The following CFAP74 variants were observed in gnomAD, a reference collection of about 807,000 sequenced individuals.
CFAP74 encodes the protein cilia and flagella associated protein 74, also known as cilia- and flagella-associated protein 74.
A neutral mutation model predicts 188.9 loss-of-function variants in CFAP74; 124 were observed. The observed-to-expected ratio is 0.66, with a 90% confidence interval of 0.57 to 0.76. The LOEUF (loss-of-function observed/expected upper bound fraction) is 0.76. Ranked by LOEUF, CFAP74 falls within the 30% of genes least tolerant of loss-of-function variation. CFAP74 has a pLI of 0.00. For synonymous variants in CFAP74, 956 were observed against 916.7 expected (o/e 1.04, Z -0.77); for missense variants, 2,198 against 2,165.2 (o/e 1.02, Z -0.30).
At position 1,923,034 on chromosome 1, in the gene CFAP74, C is replaced by T. The variant is rs202048978; in HGVS notation, c.4634G>A (p.Arg1545Gln). The T allele has an allele frequency of 3.4e-5, 54 of 1,606,478 alleles. 1 individual carries two copies. Among genetic ancestry groups the T allele is most frequent in the South Asian group, 5.5e-5 (5 of 90,348 alleles). The change falls in exon 37 of 39, where the codon CGA becomes CAA. Residue 1545 changes from arginine (R) to glutamine (Q), a missense_variant. By Grantham distance (43) the Arg-to-Gln change is conservative. Coordinates refer to ENST00000682832, the MANE Select transcript of CFAP74 (RefSeq NM_001304360.2). This position sits in a 1 kb window ranked among gnomAD's most constrained non-coding sequence, Gnocchi z 6.3. ...DTDTPAPPAT[R>Q]ELQVGCIRTT... ...CCGGATACAGCCCACCTGCAGCTCT[C>T]GGGTGGCAGGTGGGGCTGGCGTGTC...
rs934663456 is a variant in CFAP74 at position 1,926,258 on chromosome 1, C to T, written c.3918G>A (p.Val1306=). ...LLRAGGTQVL[V]LSFSPHESIL... Reference sequence around the variant, plus strand: ...TGCTCTCGTGGGGAGAGAAGGAAAGCACCAGGACCTGGGTCCCACCTGCAC... The same window carrying T: ...TGCTCTCGTGGGGAGAGAAGGAAAGTACCAGGACCTGGGTCCCACCTGCAC... The change falls in exon 32 of 39, where the codon GTG becomes GTA. Residue 1306 remains valine, a synonymous_variant. Coordinates refer to ENST00000682832, the MANE Select transcript of CFAP74 (RefSeq NM_001304360.2). 31 of 1,530,324 alleles carry T rather than the reference C, an allele frequency of 2.0e-5. 1 individual carries two copies. Among genetic ancestry groups the T allele is most frequent in the East Asian group, 2.5e-5 (1 of 40,746 alleles). 94.8% of individuals were successfully genotyped at this position (1,530,324 alleles called of 1,614,324 possible). A position where few individuals can be genotyped will look rare whatever the true frequency, so the allele number is the denominator to read the frequency against.
At chr1:1,998,417 A>G (rs1470369176) in intron 1 of CFAP74, among the ~76,000 whole-genome samples, 2 of 139,892 alleles carry the variant, frequency 1.4e-5, no homozygotes, top group South Asian at 2.3e-4. Flanking sequence ...TTTCTTTGAA[A>G]CATGCTAGTC....
intron 16 of CFAP74, among the ~76,000 whole-genome samples, chr1:1,957,415 G>A (rs1228215844): frequency 6.6e-6 from 1 of 152,330 alleles, no homozygotes; most frequent in South Asian, 2.1e-4. Context: ...CGCAGAGGGC[G>A]GTCGGGGTCC....
In CFAP74 at chr1:1,994,651, G is replaced by A. The variant is rs78070480; in HGVS notation, c.-19-3676C>T. Reference sequence around the variant, plus strand: ...AGCTCTGTGCTTGTGAATTCCATGCGGCCTCCGCGACGTCATTTTGCTGGA... The same window carrying A: ...AGCTCTGTGCTTGTGAATTCCATGCAGCCTCCGCGACGTCATTTTGCTGGA... On this transcript the variant is annotated intron_variant, in intron 1 of 38. Coordinates refer to ENST00000682832, the MANE Select transcript of CFAP74 (RefSeq NM_001304360.2). Among the ~76,000 whole-genome samples, 707 of 152,246 alleles carry A rather than the reference G, an allele frequency of 4.6e-3. 8 individuals are homozygous for A. The highest frequency in any genetic ancestry group is 0.016 in the African/African-American group (652 of 41,534).
intron 28 of CFAP74, 89 bp downstream of exon 28, chr1:1,927,518 C>T: frequency 7.9e-7 from 1 of 1,258,494 alleles, no homozygotes; most frequent in South Asian, 1.5e-5. Context: ...TCCGGGCAAT[C>T]TGTAGGGAGG....
intron 38 of CFAP74, 82 bp from the exon 39 acceptor site, chr1:1,922,470 C>T: frequency 6.5e-7 from 1 of 1,539,230 alleles, no homozygotes; most frequent in South Asian, 1.2e-5. Context: ...CTGCCCTGCC[C>T]ACCTGACTCC....
At chr1:1,948,608 T>TTTTTGAG (rs1653951411) in intron 18 of CFAP74, among the ~76,000 whole-genome samples, 1 of 143,804 alleles carries the variant, frequency 7.0e-6, no homozygotes. Flanking sequence ...TTTTTTTTTT[T>TTTTTGAG]GGCAGGGTCT....
At chr1:1,978,485 G>C (rs1348891489) in intron 6 of CFAP74, among the ~76,000 whole-genome samples, 1 of 152,162 alleles carries the variant, frequency 6.6e-6, no homozygotes, top group Admixed American at 6.5e-5. Flanking sequence ...AGTAGATGGG[G>C]ACCCCACTCA....
At chr1:1,938,677 C>T (rs1177486479) in intron 25 of CFAP74, among the ~76,000 whole-genome samples, 178 bp downstream of exon 25, 2 of 152,228 alleles carry the variant, frequency 1.3e-5, no homozygotes, top group Admixed American at 6.5e-5. Flanking sequence ...TGCCTGGGTC[C>T]CAGGCCTCTC....
At chr1:1,955,050 ACACCGGAAGTGCG>A in intron 18 of CFAP74, 1 of 1,262,956 alleles carries the variant, frequency 7.9e-7, no homozygotes, top group African/African-American at 1.6e-5. Context: ...AGTGCGGCTC[ACACCGGAAGTGCG>A]GCTCACACCG....
chr1:1,995,630 C>T (rs1657877765), intron 1 of CFAP74, among the ~76,000 whole-genome samples: 1 of 151,976 alleles, frequency 6.6e-6, no homozygotes, highest in Non-Finnish European at 1.5e-5. Flanking sequence ...TAAGAACAGG[C>T]CGGGCTCGGT....
Position 1,985,509 on chromosome 1 carries a change from A to G in CFAP74, c.396-19T>C, listed in dbSNP as rs773152881. On this transcript the variant is annotated intron_variant, in intron 5 of 38. Coordinates refer to ENST00000682832, the MANE Select transcript of CFAP74 (RefSeq NM_001304360.2). Reference sequence around the variant, plus strand: ...AGCGGCCCTGCAGTGGTGAACGGACAGGCCGGGCGTGTGTCAGGCCTCAGT... The same window carrying G: ...AGCGGCCCTGCAGTGGTGAACGGACGGGCCGGGCGTGTGTCAGGCCTCAGT... The G allele has an allele frequency of 2.5e-5, 40 of 1,601,796 alleles. No individual in the cohort carries two copies. Among genetic ancestry groups the G allele is most frequent in the Non-Finnish European group, 3.4e-5 (40 of 1,170,326 alleles).
intron 25 of CFAP74, among the ~76,000 whole-genome samples, chr1:1,932,078 A>AC (rs1178548391): frequency 1.7e-5 from 1 of 58,858 alleles, no homozygotes; most frequent in African/African-American, 4.0e-5. Flanking sequence ...AAAAAAAAAA[A>AC]ACAAAAAACA....
intron 1 of CFAP74, among the ~76,000 whole-genome samples, chr1:1,993,093 T>C (rs1408584359): frequency 4.0e-5 from 6 of 148,448 alleles, no homozygotes; most frequent in Admixed American, 1.4e-4. Context: ...CCCAGCTACT[T>C]GGGAGGCTGA....
At chr1:2,002,093 C>T (rs886321031) in intron 1 of CFAP74, among the ~76,000 whole-genome samples, 7 of 152,094 alleles carry the variant, frequency 4.6e-5, no homozygotes, top group South Asian at 2.1e-4. Flanking sequence ...TCTCCTGACT[C>T]GGGCCATGTG....
At position 1,968,792 on chromosome 1, in the gene CFAP74, A is replaced by G. The variant is rs1655666569; in HGVS notation, c.1088T>C (p.Ile363Thr). 6.2e-7 allele frequency: 1 copy of G among 1,613,896 alleles called. No individual in the cohort carries two copies. The highest frequency in any genetic ancestry group is 8.5e-7 in the Non-Finnish European group (1 of 1,179,946). ...AGCCTCCTCTTTCAGAATCCGACTG[A>G]TGATCTCCTGCTTTCTGAGCTTCTG... ...EEQKLRKQEI[I>T]SRILKEEAEE... Residue 363 changes from isoleucine (I) to threonine (T), a missense_variant, in exon 11 of 39, where the codon ATC becomes ACC. Ile to Thr is a moderately conservative substitution (Grantham distance 89). Transcript: ENST00000682832. This position sits in a 1 kb window ranked among gnomAD's most constrained non-coding sequence, Gnocchi z 4.3.
intron 33 of CFAP74, 36 bp from the exon 34 acceptor site, chr1:1,924,556 C>T (rs1651701717): frequency 1.3e-6 from 2 of 1,578,270 alleles, no homozygotes; most frequent in Non-Finnish European, 1.7e-6. Context: ...GCCCGCCAGC[C>T]CCTGCCTGGC....
Position 1,938,464 on chromosome 1 carries a change from TCACA to T in CFAP74, c.3011+387_3011+390del, listed in dbSNP as rs931555781. 1.0e-4 allele frequency among the ~76,000 whole-genome samples: 14 copies of T among 137,264 alleles called. No homozygotes were observed. In the South Asian group the frequency reaches 1.2e-3, roughly 12 times the overall value. 90.1% of individuals were successfully genotyped at this position (137,264 alleles called of 152,430 possible). ...GGCTCACACACACACTCCCACAGGC[TCACA>T]CACACACAGGCTCACACTGACAAAC... On this transcript the variant is annotated intron_variant, in intron 25 of 38. Coordinates refer to ENST00000682832, the MANE Select transcript of CFAP74 (RefSeq NM_001304360.2).
At chr1:1,976,086 G>A (rs1048434459) in intron 6 of CFAP74, among the ~76,000 whole-genome samples, 2 of 152,250 alleles carry the variant, frequency 1.3e-5, no homozygotes, top group Non-Finnish European at 2.9e-5. Flanking sequence ...ACGTGGCAGA[G>A]GGACAGAAAG....
Sources: allele counts gnomAD v4.1 joint callset (sites outside exome capture counted in the v4.1 genomes callset), GRCh38; gene constraint gnomAD v4.1.1; non-coding constraint Gnocchi (gnomAD v3.1); transcripts MANE v1.5; gene names NCBI Gene and HGNC (gene_info 2026-07-23, HGNC 2026-07-21).